The following CSMD1 variants were observed in gnomAD, a reference collection of about 807,000 sequenced individuals.
CSMD1 encodes the protein CUB and sushi domain-containing protein 1.
Under a neutral mutation model 417.5 loss-of-function variants are expected in CSMD1, and 213 were observed. The observed-to-expected ratio is 0.51, with a 90% CI of 0.46 to 0.57. CSMD1 has a LOEUF of 0.57. Ranked by LOEUF, CSMD1 falls within the 20% of genes least tolerant of loss-of-function variation. CSMD1 has a pLI of 0.00. For missense variants in CSMD1, 6,923 were observed against 4,529.7 expected (o/e 1.53, Z -15.17); for synonymous variants, 2,862 against 1,736.8 (o/e 1.65, Z -16.11).
intron 25 of CSMD1, among the ~76,000 whole-genome samples, chr8:3,298,777 A>T (rs182253749): frequency 1.3e-5 from 2 of 152,148 alleles, no homozygotes; most frequent in Admixed American, 6.5e-5. Context: ...TAAAATTCAA[A>T]TTTGGCAAAA....
intron 40 of CSMD1, among the ~76,000 whole-genome samples, chr8:3,146,167 G>C (rs991328007): frequency 5.9e-5 from 9 of 152,112 alleles, no homozygotes; most frequent in Admixed American, 2.0e-4. Flanking sequence ...TGCACTATTA[G>C]TGCAGTAGAT....
At chr8:4,608,730 T>C (rs1801011462) in intron 2 of CSMD1, among the ~76,000 whole-genome samples, 1 of 152,214 alleles carries the variant, frequency 6.6e-6, no homozygotes, top group Non-Finnish European at 1.5e-5. Context: ...GTGAAGTCTG[T>C]GACGATGTGT....
chr8:4,798,882 T>C (rs762981984), intron 1 of CSMD1, among the ~76,000 whole-genome samples: 4 of 152,174 alleles, frequency 2.6e-5, no homozygotes, highest in Non-Finnish European at 5.9e-5. Context: ...AATGAAAAGA[T>C]AAAGTAAGAC....
intron 12 of CSMD1, among the ~76,000 whole-genome samples, chr8:3,466,298 G>C (rs193100451): frequency 1.4e-3 from 220 of 152,138 alleles, no homozygotes; most frequent in African/African-American, 5.1e-3. Context: ...ATTCAGGGGA[G>C]TACAGCTCCA....
intron 11 of CSMD1, among the ~76,000 whole-genome samples, chr8:3,471,454 T>C (rs1275539304): frequency 6.6e-6 from 1 of 152,180 alleles, no homozygotes; most frequent in African/African-American, 2.4e-5. Flanking sequence ...CAGGGCTTTC[T>C]ATATATCAAG....
intron 1 of CSMD1, among the ~76,000 whole-genome samples, chr8:4,684,034 G>A (rs1024261629): frequency 8.5e-5 from 13 of 152,206 alleles, no homozygotes; most frequent in African/African-American, 1.4e-4. Context: ...ACATCAGTAT[G>A]ATGGCATTTT....
Position 3,057,493 on chromosome 8 carries a change from G to C in CSMD1, c.7475-4846C>G, listed in dbSNP as rs140567976. Among the ~76,000 whole-genome samples, 416 of 152,040 alleles carry C rather than the reference G, an allele frequency of 2.7e-3. 5 individuals are homozygous for C. The highest frequency in any genetic ancestry group is 7.9e-3 in the African/African-American group (326 of 41,452). ...ATATATATATGTATACACACTTATA[G>C]CTATATGTCTGAGAAAACATATATA... On this transcript the variant is annotated intron_variant, in intron 49 of 69. Coordinates refer to ENST00000635120, the MANE Select transcript of CSMD1 (RefSeq NM_033225.6).
At chr8:4,400,443 G>C (rs1214340062) in intron 3 of CSMD1, among the ~76,000 whole-genome samples, 1 of 152,232 alleles carries the variant, frequency 6.6e-6, no homozygotes, top group Admixed American at 6.5e-5. Flanking sequence ...CATGTATGCA[G>C]ACATCGAGAT....
intron 3 of CSMD1, among the ~76,000 whole-genome samples, chr8:4,315,149 C>T (rs561053567): frequency 6.6e-6 from 1 of 152,174 alleles, no homozygotes; most frequent in Admixed American, 6.5e-5. Context: ...CTGCCCTCAT[C>T]CACACCTACC....
intron 3 of CSMD1, among the ~76,000 whole-genome samples, chr8:4,126,909 C>T (rs983466966): frequency 2.0e-5 from 3 of 152,090 alleles, no homozygotes; most frequent in Non-Finnish European, 4.4e-5. Flanking sequence ...AGAACACAGG[C>T]TCTCACGCCC....
intron 12 of CSMD1, among the ~76,000 whole-genome samples, chr8:3,460,015 G>A (rs1214036066): frequency 1.3e-5 from 2 of 152,148 alleles, no homozygotes; most frequent in Non-Finnish European, 2.9e-5. Flanking sequence ...TATACAACCT[G>A]CAGCTTCTGC....
chr8:4,698,298 A>G (rs916148942), intron 1 of CSMD1, among the ~76,000 whole-genome samples: 2 of 152,184 alleles, frequency 1.3e-5, no homozygotes, highest in African/African-American at 4.8e-5. Flanking sequence ...CTCGTTTCAA[A>G]TGAGTTTTTG....
In CSMD1 at chr8:3,486,288, T is replaced by C. The variant is rs1346035533; in HGVS notation, c.1448+7335A>G. Among the ~76,000 whole-genome samples, 8 of 152,270 alleles carry C rather than the reference T, an allele frequency of 5.3e-5. No homozygotes were observed. In the East Asian group the frequency reaches 1.4e-3, roughly 26 times the overall value. ...TTTTAAAACTATTTTTTATCTACCA[T>C]TCTATTTGATGCAACAATCCATTGA... On this transcript the variant is annotated intron_variant, in intron 11 of 69. Coordinates refer to ENST00000635120, the MANE Select transcript of CSMD1 (RefSeq NM_033225.6).
chr8:4,161,299 T>C (rs1039564656), intron 3 of CSMD1, among the ~76,000 whole-genome samples: 6 of 152,200 alleles, frequency 3.9e-5, no homozygotes, highest in South Asian at 4.1e-4. Flanking sequence ...CTACACATAA[T>C]TGATAAGAAA....
intron 8 of CSMD1, among the ~76,000 whole-genome samples, chr8:3,606,116 G>T (rs181114048): frequency 2.6e-5 from 4 of 152,312 alleles, no homozygotes; most frequent in Admixed American, 1.3e-4. Context: ...ATCGGGAAAT[G>T]ACAAGAAGCT....
intron 10 of CSMD1, among the ~76,000 whole-genome samples, chr8:3,549,943 T>C (rs371911306): frequency 6.6e-5 from 10 of 152,320 alleles, no homozygotes; most frequent in South Asian, 2.1e-4. Flanking sequence ...ATTCAGGCAA[T>C]TGAAATAATT....
chr8:3,439,281 G>GTATATATATATA (rs1168340584), intron 12 of CSMD1, among the ~76,000 whole-genome samples: 33 of 54,290 alleles, frequency 6.1e-4, no homozygotes, highest in Admixed American at 1.5e-3. Context: ...GGCAATGTCA[G>GTATATATATATA]TATATATATA....
intron 12 of CSMD1, among the ~76,000 whole-genome samples, chr8:3,453,127 G>T (rs1043790204): frequency 6.6e-6 from 1 of 152,180 alleles, no homozygotes; most frequent in Admixed American, 6.5e-5. Context: ...AGTATTCTCT[G>T]ATGGTAGTTT....
chr8:3,288,976 C>G (rs1803353835), intron 25 of CSMD1, among the ~76,000 whole-genome samples: 1 of 145,048 alleles, frequency 6.9e-6, no homozygotes. Context: ...TCCCTCCCCA[C>G]TCCCCCTACC....
Sources: allele counts gnomAD v4.1 joint callset (sites outside exome capture counted in the v4.1 genomes callset), GRCh38; gene constraint gnomAD v4.1.1; transcripts MANE v1.5; gene names NCBI Gene and HGNC (gene_info 2026-07-23, HGNC 2026-07-21).